The following ASCC3 variants were observed in gnomAD, a reference collection of about 807,000 sequenced individuals.
The protein encoded by ASCC3 is ASC-1 complex subunit P200.
A neutral mutation model predicts 256.3 loss-of-function variants in ASCC3; 158 were observed. The observed-to-expected ratio is 0.62, with a 90% CI of 0.54 to 0.70. The LOEUF is 0.70. Among genes scored for constraint, ASCC3 ranks in the 30% least tolerant of loss-of-function variants. The pLI is 0.00. For synonymous variants in ASCC3, 948 were observed against 883.4 expected (o/e 1.07, Z -1.30); for missense variants, 2,259 against 2,626.0 (o/e 0.86, Z 3.05).
chr6:100,643,400 A>T (rs1223854722), intron 23 of ASCC3, among the ~76,000 whole-genome samples: 1 of 152,140 alleles, frequency 6.6e-6, no homozygotes, highest in Non-Finnish European at 1.5e-5. Flanking sequence ...GACCCTTAAG[A>T]TTATTATTGA....
At chr6:100,840,303 C>T (rs1476352310) in intron 4 of ASCC3, among the ~76,000 whole-genome samples, 1 of 151,962 alleles carries the variant, frequency 6.6e-6, no homozygotes, top group Admixed American at 6.6e-5. Context: ...AGTTTATATA[C>T]ACCTGAGTAA....
At chr6:100,611,918 A>G (rs773770511) in intron 30 of ASCC3, among the ~76,000 whole-genome samples, 5 of 151,928 alleles carry the variant, frequency 3.3e-5, no homozygotes, top group Non-Finnish European at 7.4e-5. Flanking sequence ...TTTTACTTCC[A>G]TAGTTCATTT....
At chr6:100,537,198 T>C (rs1224848876) in intron 37 of ASCC3, among the ~76,000 whole-genome samples, 1 of 152,150 alleles carries the variant, frequency 6.6e-6, no homozygotes, top group East Asian at 1.9e-4. Flanking sequence ...GTCAATATCA[T>C]TGCCATACAC....
At position 100,833,575 on chromosome 6, in the gene ASCC3, C is replaced by T. The variant is rs193125932; in HGVS notation, c.801+14573G>A. On this transcript the variant is annotated intron_variant, in intron 4 of 41. Coordinates refer to ENST00000369162, the MANE Select transcript of ASCC3 (RefSeq NM_006828.4). ...GGAGTAGATATACAAGAACTCTATA[C>T]GTTTCACTTATTTTTTCTGTAAATG... 1.9e-3 allele frequency among the ~76,000 whole-genome samples: 294 copies of T among 152,174 alleles called. 1 individual carries two copies. The highest frequency in any genetic ancestry group is 1.3e-3 in the Non-Finnish European group (86 of 68,000).
intron 9 of ASCC3, 122 bp downstream of exon 9, chr6:100,767,023 A>G (rs569701891): frequency 9.8e-7 from 1 of 1,020,972 alleles, no homozygotes; most frequent in South Asian, 1.4e-5. Context: ...ATCAAACAGT[A>G]TTACTTATCT....
chr6:100,726,396 G>C (rs190489042), intron 10 of ASCC3, among the ~76,000 whole-genome samples: 2 of 151,882 alleles, frequency 1.3e-5, no homozygotes, highest in Non-Finnish European at 2.9e-5. Flanking sequence ...CACCAACTTA[G>C]AACAGTATGC....
At chr6:100,791,478 T>C (rs1200928085) in intron 8 of ASCC3, among the ~76,000 whole-genome samples, 1 of 151,982 alleles carries the variant, frequency 6.6e-6, no homozygotes, top group Non-Finnish European at 1.5e-5. Flanking sequence ...TTCTTTTCTC[T>C]GTATACCCAA....
At chr6:100,778,424 G>A (rs9404041) in intron 8 of ASCC3, among the ~76,000 whole-genome samples, 10,010 of 151,872 alleles carry the variant, frequency 0.066, 757 homozygotes, top group East Asian at 0.3. Context: ...AGAAGTTAAC[G>A]GACACTAGGT....
intron 37 of ASCC3, chr6:100,530,290 A>G: frequency 7.0e-7 from 1 of 1,418,892 alleles, no homozygotes; most frequent in Non-Finnish European, 1.0e-6. Context: ...ACAAGTTGAA[A>G]TCATCGCAGA....
intron 30 of ASCC3, among the ~76,000 whole-genome samples, chr6:100,610,492 T>C (rs1192854675): frequency 6.6e-6 from 1 of 152,106 alleles, no homozygotes; most frequent in Non-Finnish European, 1.5e-5. Flanking sequence ...ATCCATAAAA[T>C]AGGACAATAA....
At chr6:100,607,447 G>C (rs1323822627) in intron 30 of ASCC3, among the ~76,000 whole-genome samples, 2 of 151,598 alleles carry the variant, frequency 1.3e-5, no homozygotes, top group African/African-American at 2.4e-5. Flanking sequence ...GAAGTTCAGT[G>C]CCAAAAATTT....
At position 100,848,530 on chromosome 6, in the gene ASCC3, T is replaced by C. The variant is rs762680708; in HGVS notation, c.419A>G (p.His140Arg). 8 of 1,613,960 alleles carry C rather than the reference T, an allele frequency of 5.0e-6. No homozygotes were observed. Among genetic ancestry groups the C allele is most frequent in the Admixed American group, 1.7e-5 (1 of 59,988 alleles). Residue 140 changes from histidine to arginine, a missense_variant, in exon 4 of 42, where the codon CAT becomes CGT. This residue lies in a region of ASCC3 where 420 missense variants were observed against 419.3 expected (regional missense o/e 1.00). Transcript: ENST00000369162. ...ACNATNRIIS[H>R]FSQDDLTALV... The stretch of plus-strand genomic sequence containing the variant: ...AGCAGTAAGATCATCTTGACTAAAA[T>C]GAGAAATAATTCGATTAGTAGCATT...
chr6:100,740,288 T>C (rs1480455334), intron 10 of ASCC3, among the ~76,000 whole-genome samples: 1 of 152,226 alleles, frequency 6.6e-6, no homozygotes, highest in Non-Finnish European at 1.5e-5. Context: ...TGCACTGTGG[T>C]CTGAAAGACT....
chr6:100,748,421 A>C lies in ASCC3; in HGVS notation c.1737+18144T>G, dbSNP rs79215308. Among the ~76,000 whole-genome samples the C allele has an allele frequency of 6.9e-3, 1,047 of 152,220 alleles. 28 individuals are homozygous for C. Among genetic ancestry groups the C allele is most frequent in the East Asian group, 0.059 (306 of 5,188 alleles). On this transcript the variant is annotated intron_variant, in intron 10 of 41. Coordinates refer to ENST00000369162, the MANE Select transcript of ASCC3 (RefSeq NM_006828.4). ...CAAATTGTTTTCTATACATTGTATT[A>C]AATAATAACAGTAAAACAAGATACT... is the stretch of plus-strand genomic sequence containing the variant.
chr6:100,525,113 G>A (rs1774501753), intron 37 of ASCC3, among the ~76,000 whole-genome samples: 1 of 125,388 alleles, frequency 8.0e-6, no homozygotes, highest in African/African-American at 3.1e-5. Context: ...AGGAGGTTGA[G>A]GCTACTATAC....
rs796676219 is a variant in ASCC3 at position 100,670,232 on chromosome 6, TATAAAC to T, written c.2287-7702_2287-7697del. 1.6e-3 allele frequency among the ~76,000 whole-genome samples: 243 copies of T among 152,092 alleles called. 1 individual carries two copies. Among genetic ancestry groups the T allele is most frequent in the African/African-American group, 5.7e-3 (236 of 41,552 alleles). On this transcript the variant is annotated intron_variant, in intron 14 of 41. Coordinates refer to ENST00000369162, the MANE Select transcript of ASCC3 (RefSeq NM_006828.4). ...TACCATTTTTTGCCTGTTAATCTGT[TATAAAC>T]TTAAAAACGTTAACACTACCCAGTG...
chr6:100,817,273 C>G lies in ASCC3; in HGVS notation c.802-11393G>C, dbSNP rs1770798907. ...AACAGAACAAAACTTACGGGATTAGCTAAAGCAGTGAAAAGGGAAAAATTT... is the reference window on the plus strand; with the variant it reads ...AACAGAACAAAACTTACGGGATTAGGTAAAGCAGTGAAAAGGGAAAAATTT... On this transcript the variant is annotated intron_variant, in intron 4 of 41. Transcript: ENST00000369162. 2.0e-5 allele frequency among the ~76,000 whole-genome samples: 3 copies of G among 151,690 alleles called. No homozygotes were observed. The South Asian group carries it at 6.2e-4, about 32-fold the overall frequency.
chr6:100,565,317 T>C (rs960042358), intron 36 of ASCC3, among the ~76,000 whole-genome samples: 1 of 152,188 alleles, frequency 6.6e-6, no homozygotes, highest in African/African-American at 2.4e-5. Context: ...AGCTTCCTCA[T>C]AGCTTTCAAG....
intron 10 of ASCC3, among the ~76,000 whole-genome samples, chr6:100,757,831 A>G (rs1282233545): frequency 1.3e-5 from 2 of 152,190 alleles, no homozygotes; most frequent in Non-Finnish European, 2.9e-5. Context: ...GAAGAAGCCC[A>G]CAACTCAGAA....
Sources: gnomAD v4.1 joint callset for allele counts (sites outside exome capture counted in the v4.1 genomes callset) on GRCh38, gnomAD v4.1.1 for gene constraint, gnomAD v4.1.1 regional missense constraint, MANE v1.5 for transcripts, NCBI Gene and HGNC (gene_info 2026-07-23, HGNC 2026-07-21) for gene names.